The following ATP1B3 variants were observed in gnomAD, a reference collection of about 807,000 sequenced individuals.
ATP1B3 encodes sodium/potassium-transporting ATPase subunit beta-3.
ATP1B3 carries 10 observed loss-of-function variants against 30.2 expected under a neutral mutation model. That is an observed-to-expected ratio of 0.33 (90% CI 0.20 to 0.56). The LOEUF (loss-of-function observed/expected upper bound fraction) is 0.56. Ranked by LOEUF, ATP1B3 falls within the 20% of genes least tolerant of loss-of-function variation. ATP1B3 has a pLI of 0.90. For synonymous variants in ATP1B3, 113 were observed against 117.0 expected, an observed-to-expected ratio of 0.97 and a Z score of 0.22; for missense variants, 238 against 336.7, an observed-to-expected ratio of 0.71 and a Z score of 2.29.
At chr3:141,903,770 C>G in intron 2 of ATP1B3, 22 bp downstream of exon 2, 1 of 1,602,158 alleles carries the variant, frequency 6.2e-7, no homozygotes, top group Non-Finnish European at 8.5e-7. Flanking sequence ...GCAGTTATGA[C>G]TTTGTTTTTT....
chr3:141,924,109 T>A (rs879908488), intron 6 of ATP1B3, among the ~76,000 whole-genome samples: 2 of 149,312 alleles, frequency 1.3e-5, no homozygotes, highest in African/African-American at 4.9e-5. Flanking sequence ...TTTGGGAGGC[T>A]GAGACAGGCG....
chr3:141,880,369 G>C (rs1376234984), intron 1 of ATP1B3, among the ~76,000 whole-genome samples: 1 of 152,176 alleles, frequency 6.6e-6, no homozygotes, highest in Non-Finnish European at 1.5e-5. Context: ...AACTAGTTGG[G>C]TGATCCAAGT....
At chr3:141,878,925 T>C (rs991747515) in intron 1 of ATP1B3, among the ~76,000 whole-genome samples, 1 of 152,204 alleles carries the variant, frequency 6.6e-6, no homozygotes, top group Admixed American at 6.5e-5. Flanking sequence ...TGCCAGGCTG[T>C]GTATCCTAGA....
intron 1 of ATP1B3, among the ~76,000 whole-genome samples, chr3:141,890,464 G>A (rs566117213): frequency 1.2e-4 from 18 of 151,308 alleles, no homozygotes; most frequent in African/African-American, 2.9e-4. Flanking sequence ...CACTACGCCC[G>A]GCTGATTTTT....
intron 1 of ATP1B3, among the ~76,000 whole-genome samples, chr3:141,892,257 C>T (rs1405413210): frequency 2.6e-5 from 4 of 152,096 alleles, no homozygotes; most frequent in Non-Finnish European, 4.4e-5. Context: ...AGTATCTTCA[C>T]CCTTGCAAAT....
chr3:141,911,406 G>GC (rs2107775936), intron 3 of ATP1B3, among the ~76,000 whole-genome samples: 1 of 151,176 alleles, frequency 6.6e-6, no homozygotes, highest in South Asian at 2.1e-4. Context: ...TTTTTTTCCT[G>GC]CAGATACTAA....
At position 141,907,239 on chromosome 3, in the gene ATP1B3, C is replaced by A. The variant is rs377366509; in HGVS notation, c.311C>A (p.Ala104Glu). Reference sequence around the variant, plus strand: ...AGTAGGTCTGATCCAACTTCGTATGCAGGGTACATTGAAGACCTTAAGAAG... The same window carrying A: ...AGTAGGTCTGATCCAACTTCGTATGAAGGGTACATTGAAGACCTTAAGAAG... ...TFSRSDPTSY[A>E]GYIEDLKKFL... Residue 104 changes from alanine to glutamate, a missense_variant, in exon 3 of 7, where the codon GCA (alanine) becomes GAA (glutamate). Ala to Glu is a moderately radical substitution (Grantham distance 107). Around this residue, in one of 3 missense-constraint regions of ATP1B3, gnomAD observed 130 missense variants for 148.8 expected, o/e 0.87. Coordinates refer to ENST00000286371, the MANE Select transcript of ATP1B3 (RefSeq NM_001679.4). 2.0e-4 allele frequency: 326 copies of A among 1,612,346 alleles called. No homozygotes were observed. The highest frequency in any genetic ancestry group is 2.7e-4 in the Non-Finnish European group (314 of 1,179,360).
chr3:141,888,780 T>C (rs1002175898), intron 1 of ATP1B3, among the ~76,000 whole-genome samples: 1 of 152,146 alleles, frequency 6.6e-6, no homozygotes, highest in African/African-American at 2.4e-5. Context: ...GTGGGTTTTA[T>C]AAATGGGAGT....
chr3:141,902,299 C>G, intron 1 of ATP1B3: 1 of 1,099,464 alleles, frequency 9.1e-7, no homozygotes, highest in South Asian at 1.3e-5. Flanking sequence ...TTCCCCTTTA[C>G]TTGAAAAAGG....
intron 1 of ATP1B3, among the ~76,000 whole-genome samples, chr3:141,883,777 A>G (rs1933779985): frequency 6.6e-6 from 1 of 152,140 alleles, no homozygotes; most frequent in Non-Finnish European, 1.5e-5. Context: ...GTTTGACGGT[A>G]TTGGTGTACC....
At chr3:141,880,149 A>G (rs1306577400) in intron 1 of ATP1B3, among the ~76,000 whole-genome samples, 7 of 152,186 alleles carry the variant, frequency 4.6e-5, no homozygotes, top group Admixed American at 3.3e-4. Flanking sequence ...AAGCACACAT[A>G]TTTAAAAGGT....
At chr3:141,881,427 C>T (rs1028370530) in intron 1 of ATP1B3, among the ~76,000 whole-genome samples, 1 of 152,156 alleles carries the variant, frequency 6.6e-6, no homozygotes, top group Non-Finnish European at 1.5e-5. Flanking sequence ...TGTGCCTTTT[C>T]TTTTACTATA....
chr3:141,921,044 A>G (rs74392109), intron 5 of ATP1B3, among the ~76,000 whole-genome samples: 13,401 of 152,200 alleles, frequency 0.088, 731 homozygotes, highest in East Asian at 0.16. Context: ...TGTTTCATGC[A>G]TGCTTTCAAC....
intron 5 of ATP1B3, among the ~76,000 whole-genome samples, chr3:141,919,275 C>CTT (rs34441912): frequency 2.3e-5 from 3 of 128,636 alleles, no homozygotes; most frequent in African/African-American, 2.7e-5. Context: ...CTTGGAGGTG[C>CTT]TTTTTTTTTT....
chr3:141,906,952 CT>C (rs750896705), intron 2 of ATP1B3, among the ~76,000 whole-genome samples: 71 of 152,264 alleles, frequency 4.7e-4, no homozygotes, highest in Non-Finnish European at 8.8e-4. Flanking sequence ...GGGACAGTTT[CT>C]AATCGGTAAT....
intron 1 of ATP1B3, among the ~76,000 whole-genome samples, chr3:141,886,428 C>G (rs1181053692): frequency 6.6e-6 from 1 of 152,188 alleles, no homozygotes; most frequent in African/African-American, 2.4e-5. Context: ...CCTATAACAT[C>G]TAAAATGTTG....
rs772339404 is a variant in ATP1B3, at chr3:141,907,214, A to G, written c.286A>G (p.Ser96Gly). 2 of 1,612,858 alleles carry G rather than the reference A, an allele frequency of 1.2e-6. No individual in the cohort carries two copies. The highest frequency in any genetic ancestry group is 2.2e-5 in the South Asian group (2 of 90,600). The change falls in exon 3 of 7, where the codon AGT (serine) becomes GGT (glycine). Residue 96 changes from serine (S) to glycine (G), a missense_variant. Physicochemically the swap from Ser to Gly is moderately conservative, Grantham distance 56 (BLOSUM62 0). Transcript: ENST00000286371. ...KPVTALEYTFSRSDPTSYAGY... is the reference protein window; with the variant it reads ...KPVTALEYTFGRSDPTSYAGY... ...AGTGACCGCATTGGAATATACATTC[A>G]GTAGGTCTGATCCAACTTCGTATGC... is the stretch of plus-strand genomic sequence containing the variant.
Position 141,926,531 on chromosome 3 carries a change from T to C in ATP1B3, c.*830T>C, listed in dbSNP as rs965776605. The C allele has an allele frequency of 8.5e-5, 13 of 152,170 alleles. No individual in the cohort carries two copies. The highest frequency in any genetic ancestry group is 2.9e-4 in the African/African-American group (12 of 41,446). The allele number at this position is 152,170 out of a possible 1,614,324, so 9.4% of individuals were successfully genotyped here. On this transcript the variant is annotated 3_prime_UTR_variant, in exon 7 of 7. Coordinates refer to ENST00000286371, the MANE Select transcript of ATP1B3 (RefSeq NM_001679.4). The stretch of plus-strand genomic sequence containing the variant: ...GTGAAATATAAAAACTTGGAACTTA[T>C]TCAAAGCTTCAAAGCAAACAACAGT...
At chr3:141,894,456 C>T (rs577422990) in intron 1 of ATP1B3, among the ~76,000 whole-genome samples, 4 of 152,086 alleles carry the variant, frequency 2.6e-5, no homozygotes, top group South Asian at 2.1e-4. Context: ...TCATACCCAG[C>T]GACTTTATAT....
Sources: gnomAD v4.1 joint callset for allele counts (sites outside exome capture counted in the v4.1 genomes callset) on GRCh38, gnomAD v4.1.1 for gene constraint, gnomAD v4.1.1 regional missense constraint, MANE v1.5 for transcripts, NCBI Gene and HGNC (gene_info 2026-07-23, HGNC 2026-07-21) for gene names.